DENND5A: variants seen among roughly 807,000 people sequenced by gnomAD.
The protein encoded by DENND5A is DENN domain-containing protein 5A.
Under a neutral mutation model 140.3 loss-of-function variants are expected in DENND5A, and 64 were observed. That is an observed-to-expected ratio of 0.46 (90% CI 0.37 to 0.56). The LOEUF (loss-of-function observed/expected upper bound fraction) is 0.56. Ranked by LOEUF, DENND5A falls within the 20% of genes least tolerant of loss-of-function variation. The pLI is 0.00. For synonymous variants in DENND5A, 605 were observed against 607.7 expected, an observed-to-expected ratio of 1.00 and a Z score of 0.07; for missense variants, 1,292 against 1,593.8, an observed-to-expected ratio of 0.81 and a Z score of 3.22.
chr11:9,185,892 G>A (rs748750450), intron 5 of DENND5A, among the ~76,000 whole-genome samples: 7 of 151,634 alleles, frequency 4.6e-5, no homozygotes, highest in Non-Finnish European at 8.8e-5. Context: ...GGATGTTTAC[G>A]TGTCTGTGCA....
intron 6 of DENND5A, 82 bp from the exon 7 acceptor site, chr11:9,179,155 T>A: frequency 7.7e-7 from 1 of 1,303,294 alleles, no homozygotes; most frequent in Non-Finnish European, 1.1e-6. Context: ...TTTTTTTATC[T>A]GATTTTTTTT....
chr11:9,181,521 C>A (rs543542249), intron 5 of DENND5A, among the ~76,000 whole-genome samples: 3 of 151,974 alleles, frequency 2.0e-5, no homozygotes, highest in African/African-American at 7.2e-5. Context: ...ATCACTTGAA[C>A]CCAGACTGTT....
intron 5 of DENND5A, 23 bp downstream of exon 5, chr11:9,193,471 G>A: frequency 1.9e-6 from 3 of 1,556,098 alleles, no homozygotes; most frequent in East Asian, 2.3e-5. Context: ...TGGGGCCAGA[G>A]GCACCAACAC....
chr11:9,185,643 T>C (rs562804146), intron 5 of DENND5A, among the ~76,000 whole-genome samples: 5 of 152,332 alleles, frequency 3.3e-5, no homozygotes, highest in East Asian at 1.9e-4. Context: ...ACCCTGCACG[T>C]TCTGCACATG....
chr11:9,152,219 G>A, intron 13 of DENND5A, 139 bp downstream of exon 13: 1 of 702,430 alleles, frequency 1.4e-6, no homozygotes, highest in Non-Finnish European at 2.6e-6. Flanking sequence ...AGAGAGTCTG[G>A]TGGCTCCATA....
At chr11:9,145,317 C>T (rs1490589540) in intron 17 of DENND5A, 10 of 594,996 alleles carry the variant, frequency 1.7e-5, no homozygotes, top group Admixed American at 3.0e-5. Flanking sequence ...AAACACTCTA[C>T]CTAGAAGAAC....
intron 15 of DENND5A, among the ~76,000 whole-genome samples, chr11:9,148,035 G>T (rs1452535860): frequency 6.6e-6 from 1 of 152,220 alleles, no homozygotes; most frequent in East Asian, 1.9e-4. Context: ...TTATGTCCAG[G>T]TGCTGGAGAG....
rs368363202 is a variant in DENND5A at position 9,167,991 on chromosome 11, ATCTT to A, written c.2151+1861_2151+1864del. Among the ~76,000 whole-genome samples the A allele has an allele frequency of 2.6e-4, 40 of 152,156 alleles. No homozygotes were observed. In the East Asian group the frequency reaches 5.8e-3, roughly 22 times the overall value. On this transcript the variant is annotated intron_variant, in intron 10 of 22. Coordinates refer to ENST00000328194, the MANE Select transcript of DENND5A (RefSeq NM_015213.4). ...TTCAAAAGCTTATTCTCTTGAAGTT[ATCTT>A]TCTATCTGATTTTGCTCCCTTATAT...
intron 1 of DENND5A, among the ~76,000 whole-genome samples, chr11:9,263,537 A>T (rs1043714268): frequency 2.8e-5 from 4 of 145,412 alleles, no homozygotes; most frequent in African/African-American, 1.0e-4. Flanking sequence ...GCCCCGCCTA[A>T]TTTTTTTTTC....
At chr11:9,253,394 T>C (rs1185233467) in intron 1 of DENND5A, among the ~76,000 whole-genome samples, 1 of 152,088 alleles carries the variant, frequency 6.6e-6, no homozygotes, top group East Asian at 1.9e-4. Context: ...AGGGCCCCAA[T>C]ATCATTAAAG....
At position 9,265,158 on chromosome 11, in the gene DENND5A, C is replaced by G. The variant is rs1455285530; in HGVS notation, c.-89G>C. On this transcript the variant is annotated 5_prime_UTR_variant, in exon 1 of 23. Coordinates refer to ENST00000328194, the MANE Select transcript of DENND5A (RefSeq NM_015213.4). The surrounding 1 kb of genome is among the most constrained non-coding windows in gnomAD (Gnocchi z 4.7). ...CCGCCCGTCCGCCCTCAGGCCGCCC[C>G]TCCCGCCGCCGCCGCTACCGCGGCT... 29 of 705,840 alleles carry G rather than the reference C, an allele frequency of 4.1e-5. No homozygotes were observed. Among genetic ancestry groups the G allele is most frequent in the Non-Finnish European group, 5.1e-5 (29 of 568,988 alleles). 43.7% of individuals were successfully genotyped at this position (705,840 alleles called of 1,614,324 possible).
intron 1 of DENND5A, among the ~76,000 whole-genome samples, chr11:9,224,747 A>G (rs1272423369): frequency 6.6e-6 from 1 of 151,222 alleles, no homozygotes; most frequent in Non-Finnish European, 1.5e-5. Context: ...AATCCCAGCC[A>G]CTCAGGAGGC....
At chr11:9,228,157 T>C (rs1850614258) in intron 1 of DENND5A, among the ~76,000 whole-genome samples, 1 of 150,500 alleles carries the variant, frequency 6.6e-6, no homozygotes. Context: ...TAGTCCCTGG[T>C]TACTGGCATG....
At chr11:9,253,036 AGACCC>A (rs1851798384) in intron 1 of DENND5A, among the ~76,000 whole-genome samples, 1 of 151,992 alleles carries the variant, frequency 6.6e-6, no homozygotes, top group African/African-American at 2.4e-5. Flanking sequence ...TTTTCTGTAG[AGACCC>A]GAGTCTCGCC....
intron 1 of DENND5A, among the ~76,000 whole-genome samples, chr11:9,224,109 G>T (rs917453581): frequency 6.6e-6 from 1 of 151,964 alleles, no homozygotes; most frequent in African/African-American, 2.4e-5. Flanking sequence ...CAGGAGAATC[G>T]CTTGAACCTG....
rs940234036 is a variant in DENND5A, at chr11:9,186,203, C to T, written c.1138-5119G>A. Among the ~76,000 whole-genome samples the T allele has an allele frequency of 2.6e-5, 4 of 152,318 alleles. 1 individual carries two copies. In the Middle Eastern group the frequency reaches 0.01, roughly 389 times the overall value. Reference sequence around the variant, plus strand: ...ACTTTAAATTTCACTTTCTAGAGCTCCTCCACTGGATAACAACTTTGAACC... The same window carrying T: ...ACTTTAAATTTCACTTTCTAGAGCTTCTCCACTGGATAACAACTTTGAACC... On this transcript the variant is annotated intron_variant, in intron 5 of 22. Coordinates refer to ENST00000328194, the MANE Select transcript of DENND5A (RefSeq NM_015213.4).
chr11:9,145,291 C>A, intron 17 of DENND5A, 178 bp from the exon 18 acceptor site: 1 of 599,432 alleles, frequency 1.7e-6, no homozygotes, highest in South Asian at 2.1e-5. Flanking sequence ...ATGGGGGTGC[C>A]CAAGGCTGAG....
intron 4 of DENND5A, among the ~76,000 whole-genome samples, chr11:9,200,983 C>T (rs1052144470): frequency 3.3e-5 from 5 of 152,078 alleles, no homozygotes; most frequent in Non-Finnish European, 4.4e-5. Context: ...GAGGTCCATT[C>T]CTTTGCCCAT....
intron 1 of DENND5A, among the ~76,000 whole-genome samples, chr11:9,252,645 CA>C (rs1319975177): frequency 1.0e-4 from 14 of 140,156 alleles, no homozygotes; most frequent in South Asian, 2.3e-4. Flanking sequence ...GACTCCGTCT[CA>C]AAAAAAAAAA....
Sources: allele counts gnomAD v4.1 joint callset (sites outside exome capture counted in the v4.1 genomes callset), GRCh38; gene constraint gnomAD v4.1.1; non-coding constraint Gnocchi (gnomAD v3.1); transcripts MANE v1.5; gene names NCBI Gene and HGNC (gene_info 2026-07-23, HGNC 2026-07-21).